The following PPP1R12A variants were observed in gnomAD, a reference collection of about 807,000 sequenced individuals.
The protein encoded by PPP1R12A is myosin binding subunit.
A neutral mutation model predicts 139.6 loss-of-function variants in PPP1R12A; 19 were observed. The observed-to-expected ratio is 0.14, with a 90% CI of 0.09 to 0.20. The LOEUF is 0.20. Among genes scored for constraint, PPP1R12A ranks in the 10% least tolerant of loss-of-function variants. The pLI is 1.00. For missense variants in PPP1R12A, 925 were observed against 1,211.5 expected (o/e 0.76, Z 3.51); for synonymous variants, 427 against 420.6 (o/e 1.02, Z -0.19).
At chr12:79,859,081 GA>G (rs1261007421) in intron 2 of PPP1R12A, among the ~76,000 whole-genome samples, 1 of 152,098 alleles carries the variant, frequency 6.6e-6, no homozygotes, top group Admixed American at 6.6e-5. Context: ...TAATTCCAGT[GA>G]AAAACAACAG....
intron 9 of PPP1R12A, among the ~76,000 whole-genome samples, chr12:79,811,340 T>C (rs901156174): frequency 3.9e-5 from 6 of 152,186 alleles, no homozygotes; most frequent in African/African-American, 1.4e-4. Flanking sequence ...GTTCCTAAAA[T>C]GTGCACCAAA....
At chr12:79,798,627 C>T in intron 14 of PPP1R12A, 43 bp from the exon 15 acceptor site, 1 of 1,121,868 alleles carries the variant, frequency 8.9e-7, no homozygotes, top group Non-Finnish European at 1.3e-6. Context: ...AAATACAATA[C>T]CTGTGAATGT....
intron 1 of PPP1R12A, among the ~76,000 whole-genome samples, chr12:79,929,733 C>T (rs1313408800): frequency 1.3e-5 from 2 of 151,178 alleles, no homozygotes; most frequent in East Asian, 3.9e-4. Flanking sequence ...TACACCACTG[C>T]ACTCCAGCCT....
chr12:79,837,463 A>C (rs1878220631), intron 3 of PPP1R12A, among the ~76,000 whole-genome samples: 1 of 152,208 alleles, frequency 6.6e-6, no homozygotes, highest in Non-Finnish European at 1.5e-5. Context: ...AAAAGCCAAA[A>C]GAATGATTAA....
intron 3 of PPP1R12A, among the ~76,000 whole-genome samples, chr12:79,838,468 A>G (rs1219370367): frequency 1.3e-5 from 2 of 152,198 alleles, no homozygotes; most frequent in Non-Finnish European, 2.9e-5. Context: ...GACAAAGGGG[A>G]AAAGGTCCCC....
intron 23 of PPP1R12A, among the ~76,000 whole-genome samples, chr12:79,781,493 A>AT: frequency 6.6e-6 from 1 of 152,256 alleles, no homozygotes; most frequent in African/African-American, 2.4e-5. Context: ...GGTACAGGCC[A>AT]TAAGAGATAA....
intron 9 of PPP1R12A, among the ~76,000 whole-genome samples, chr12:79,817,092 C>T (rs1284350358): frequency 6.6e-6 from 1 of 151,736 alleles, no homozygotes; most frequent in African/African-American, 2.4e-5. Flanking sequence ...AAAACTAATA[C>T]AATCACTGAT....
At position 79,793,926 on chromosome 12, in the gene PPP1R12A, A is replaced by G. The variant is rs771861630; in HGVS notation, c.2586T>C (p.Ser862=). The G allele has an allele frequency of 5.1e-6, 8 of 1,559,616 alleles. No individual in the cohort carries two copies. Among genetic ancestry groups the G allele is most frequent in the Non-Finnish European group, 6.9e-6 (8 of 1,160,864 alleles). ...ATTGTTGTTCTTGTTCATTTTCATC[A>G]CTCTAAAAACAGATTGCCAATTTAT... ...STGVSFWTQD[S]DENEQEQQSD... Residue 862 remains serine (S), a splice_region_variant and synonymous_variant, in exon 19 of 25, where the codon AGT becomes AGC. Transcript: ENST00000450142.
intron 1 of PPP1R12A, among the ~76,000 whole-genome samples, chr12:79,926,245 G>C (rs1887832390): frequency 6.6e-6 from 1 of 152,192 alleles, no homozygotes; most frequent in Non-Finnish European, 1.5e-5. Flanking sequence ...GAGTGAAGAG[G>C]CATGATCTCA....
chr12:79,807,493 A>ATAATTTCAGTACTAAGAT lies in PPP1R12A; in HGVS notation c.1551-164_1551-163insATCTTAGTACTGAAATTA, dbSNP rs1873975728. 7.0e-4 allele frequency among the ~76,000 whole-genome samples: 7 copies of ATAATTTCAGTACTAAGAT among 9,940 alleles called. No homozygotes were observed. In the Non-Finnish European group the frequency reaches 0.014, roughly 20 times the overall value. 6.5% of individuals were successfully genotyped at this position (9,940 alleles called of 152,430 possible). Reference sequence around the variant, plus strand: ...ATAAAGTAATTTCAGTACTAAGATTATATACCCTAAGGTATAATTTTTCCC... The same window carrying ATAATTTCAGTACTAAGAT: ...ATAAAGTAATTTCAGTACTAAGATTATAATTTCAGTACTAAGATTATACCCTAAGGTATAATTTTTCCC... On this transcript the variant is annotated intron_variant, in intron 11 of 24. Coordinates refer to ENST00000450142, the MANE Select transcript of PPP1R12A (RefSeq NM_002480.3).
chr12:79,836,012 CA>C (rs1237799709), intron 3 of PPP1R12A, among the ~76,000 whole-genome samples: 13 of 152,218 alleles, frequency 8.5e-5, no homozygotes, highest in Admixed American at 7.8e-4. Context: ...TTTAAAACTC[CA>C]AGATTACACA....
rs143999269 is a variant in PPP1R12A at position 79,920,494 on chromosome 12, A to G, written c.237+14201T>C. ...CCACCAGCAGTGCATGAGGGTTCCA[A>G]TTTCTCCATATCTGCTGTGATTTAA... is the stretch of plus-strand genomic sequence containing the variant. On this transcript the variant is annotated intron_variant, in intron 1 of 24. Coordinates refer to ENST00000450142, the MANE Select transcript of PPP1R12A (RefSeq NM_002480.3). Among the ~76,000 whole-genome samples the G allele has an allele frequency of 2.8e-3, 424 of 152,268 alleles. 1 individual carries two copies. The highest frequency in any genetic ancestry group is 0.01 in the Middle Eastern group (3 of 294).
At chr12:79,827,413 T>G (rs1298662706) in intron 5 of PPP1R12A, among the ~76,000 whole-genome samples, 1 of 152,180 alleles carries the variant, frequency 6.6e-6, no homozygotes, top group Admixed American at 6.5e-5. Context: ...TGAGGTCATT[T>G]TATGAATCTC....
intron 3 of PPP1R12A, among the ~76,000 whole-genome samples, chr12:79,837,279 C>T (rs1265868506): frequency 6.6e-6 from 1 of 151,968 alleles, no homozygotes; most frequent in Admixed American, 6.6e-5. Flanking sequence ...ATAATCAAAT[C>T]TCTTAGATTA....
chr12:79,891,931 C>A (rs1478616477), intron 1 of PPP1R12A, among the ~76,000 whole-genome samples: 1 of 152,148 alleles, frequency 6.6e-6, no homozygotes, highest in Non-Finnish European at 1.5e-5. Flanking sequence ...CAGCCAATAG[C>A]TCGAGGAAAA....
chr12:79,783,243 A>C (rs1463834412), intron 22 of PPP1R12A, among the ~76,000 whole-genome samples: 1 of 148,248 alleles, frequency 6.7e-6, no homozygotes, highest in African/African-American at 2.5e-5. Context: ...AGATCACTTG[A>C]GCCCAGGAGT....
intron 1 of PPP1R12A, among the ~76,000 whole-genome samples, chr12:79,878,616 G>A (rs1261998794): frequency 6.6e-6 from 1 of 152,136 alleles, no homozygotes; most frequent in African/African-American, 2.4e-5. Context: ...CACAGCTGGG[G>A]TGGCCTCAGG....
chr12:79,891,059 T>C (rs1884597692), intron 1 of PPP1R12A, among the ~76,000 whole-genome samples: 1 of 151,892 alleles, frequency 6.6e-6, no homozygotes, highest in Non-Finnish European at 1.5e-5. Flanking sequence ...AAAAAAAAAG[T>C]TGGAAGGCAG....
chr12:79,900,092 C>A (rs1354849496), intron 1 of PPP1R12A, among the ~76,000 whole-genome samples: 1 of 152,168 alleles, frequency 6.6e-6, no homozygotes, highest in Non-Finnish European at 1.5e-5. Context: ...TTTGCACCTG[C>A]TAGAACAATA....
Sources: allele counts gnomAD v4.1 joint callset (sites outside exome capture counted in the v4.1 genomes callset), GRCh38; gene constraint gnomAD v4.1.1; transcripts MANE v1.5; gene names NCBI Gene and HGNC (gene_info 2026-07-23, HGNC 2026-07-21).